The following TTC39A variants were observed in gnomAD, a reference collection of about 807,000 sequenced individuals.
TTC39A encodes tetratricopeptide repeat domain 39A.
TTC39A carries 46 observed loss-of-function variants against 82.3 expected under a neutral mutation model. That is an observed-to-expected ratio of 0.56 (90% CI 0.44 to 0.71). The LOEUF is 0.71. TTC39A is among the 30% of genes least tolerant of loss of function. The probability of loss-of-function intolerance (pLI) is 0.00; values close to 1 mark genes in which losing one functional copy is unlikely to be tolerated. For missense variants in TTC39A, 543 were observed against 712.9 expected (o/e 0.76, Z 2.71); for synonymous variants, 254 against 275.2 (o/e 0.92, Z 0.76).
chr1:51,293,959 T>C (rs1336101817), intron 14 of TTC39A, among the ~76,000 whole-genome samples: 1 of 152,270 alleles, frequency 6.6e-6, no homozygotes, highest in Non-Finnish European at 1.5e-5. Context: ...GCCTTGAATA[T>C]AGCAAGTGCT....
rs762316572 is a variant in TTC39A at position 51,296,080 on chromosome 1, G to A, written c.1144C>T (p.Arg382Ter). 1.3e-6 allele frequency: 2 copies of A among 1,580,866 alleles called. No homozygotes were observed. Among genetic ancestry groups the A allele is most frequent in the Admixed American group, 1.8e-5 (1 of 55,050 alleles). Residue 382 changes from arginine to a stop codon, truncating the protein, a stop_gained and splice_region_variant, in exon 13 of 18, where the codon CGA becomes TGA. Transcript: ENST00000680483. LOFTEE classifies it high-confidence loss of function. The part of the protein sequence containing the change: ...PFGDDEVELF[R>*]AVPGLKLKIA... ...GTGGGAGCACGATGTGGGACCCACC[G>A]AAATAATTCCACTTCGTCGTCCCCG...
upstream of TTC39A, chr1:51,331,040 A>G (rs1645898803): frequency 1.2e-6 from 1 of 815,158 alleles, no homozygotes; most frequent in Non-Finnish European, 2.1e-6. Context: ...ACGGTTTAGC[A>G]CTCACTGCTA....
At position 51,296,064 on chromosome 1, in the gene TTC39A, C is replaced by A. The variant is rs568089786; in HGVS notation, c.1145+15G>T. The stretch of plus-strand genomic sequence containing the variant: ...GGGAGTGGCCTACACAGTGGGAGCA[C>A]GATGTGGGACCCACCGAAATAATTC... On this transcript the variant is annotated intron_variant, in intron 13 of 17. Transcript: ENST00000680483. The A allele has an allele frequency of 1.7e-4, 264 of 1,564,824 alleles. No homozygotes were observed. In the East Asian group the frequency reaches 6.0e-3, roughly 35 times the overall value.
intron 1 of TTC39A, among the ~76,000 whole-genome samples, chr1:51,338,241 T>C (rs1645997592): frequency 6.6e-6 from 1 of 152,128 alleles, no homozygotes; most frequent in Non-Finnish European, 1.5e-5. Context: ...GGGAATAGGA[T>C]ATTTGACTCT....
At chr1:51,311,194 T>C (rs1266576783) in intron 5 of TTC39A, 60 bp downstream of exon 5, 6 of 1,501,774 alleles carry the variant, frequency 4.0e-6, no homozygotes, top group Non-Finnish European at 5.4e-6. Context: ...TGGGTCATGG[T>C]TGGACGTGGA....
chr1:51,342,373 C>CTGTT (rs1164531195), intron 1 of TTC39A, among the ~76,000 whole-genome samples: 1 of 152,164 alleles, frequency 6.6e-6, no homozygotes, highest in Non-Finnish European at 1.5e-5. Flanking sequence ...GCCCCAGTGA[C>CTGTT]TGTTAGGTCC....
chr1:51,290,939 T>C (rs917233364), intron 14 of TTC39A, among the ~76,000 whole-genome samples: 4 of 152,362 alleles, frequency 2.6e-5, no homozygotes, highest in Middle Eastern at 3.4e-3. Flanking sequence ...AGTGCTATTA[T>C]GTCCTTTCTC....
Position 51,287,340 on chromosome 1 carries a change from A to G in TTC39A, c.*817T>C, listed in dbSNP as rs1644030595. On this transcript the variant is annotated 3_prime_UTR_variant, in exon 18 of 18. Transcript: ENST00000680483. ...AGTACAGAAGATTTTTATGTTTCAT[A>G]AATTATTCCCAGTGGTTTCAGTTTG... The G allele has an allele frequency of 6.6e-6, 1 of 152,222 alleles. No homozygotes were observed. The highest frequency in any genetic ancestry group is 2.4e-5 in the African/African-American group (1 of 41,456). The allele number at this position is 152,222 out of a possible 1,614,324, so 9.4% of individuals were successfully genotyped here.
intron 1 of TTC39A, among the ~76,000 whole-genome samples, chr1:51,338,066 G>A (rs535326323): frequency 1.4e-5 from 2 of 142,734 alleles, no homozygotes. Context: ...TCAATAAAAA[G>A]CCTTGCTGCC....
intron 14 of TTC39A, among the ~76,000 whole-genome samples, chr1:51,293,072 T>C (rs1194752187): frequency 1.3e-5 from 2 of 151,632 alleles, no homozygotes; most frequent in Non-Finnish European, 2.9e-5. Flanking sequence ...CTGTATTTTT[T>C]TTTTTTTTTT....
intron 1 of TTC39A, among the ~76,000 whole-genome samples, chr1:51,337,796 G>A (rs1645993005): frequency 6.6e-6 from 1 of 152,056 alleles, no homozygotes; most frequent in South Asian, 2.1e-4. Flanking sequence ...TTTTTCCACA[G>A]CGCTTGTTGT....
intron 1 of TTC39A, chr1:51,322,259 CCTGGACT>C: frequency 1.4e-6 from 2 of 1,470,702 alleles, no homozygotes; most frequent in Non-Finnish European, 1.8e-6. Flanking sequence ...CTCCCCCAGG[CCTGGACT>C]CTAGAATCCC....
chr1:51,301,780 ACCCCTCTG>A lies in TTC39A; in HGVS notation c.892-55_892-48del, dbSNP rs745323878. The A allele has an allele frequency of 1.3e-4, 208 of 1,580,460 alleles. 1 individual carries two copies. Among genetic ancestry groups the A allele is most frequent in the Middle Eastern group, 1.9e-4 (1 of 5,312 alleles). On this transcript the variant is annotated intron_variant, in intron 11 of 17. Transcript: ENST00000680483. ...CCTGACGGGTGCCCACCCAGCCCCA[ACCCCTCTG>A]CATCCTCCGAACCTCCCAACACCAC...
chr1:51,306,099 G>A, intron 6 of TTC39A, 23 bp from the exon 7 acceptor site: 1 of 1,535,452 alleles, frequency 6.5e-7, no homozygotes, highest in South Asian at 1.1e-5. Flanking sequence ...GCCAAGTCCT[G>A]TTTCAGCCAC....
intron 6 of TTC39A, among the ~76,000 whole-genome samples, 175 bp from the exon 7 acceptor site, chr1:51,306,251 C>T (rs1395709726): frequency 6.6e-6 from 1 of 152,128 alleles, no homozygotes; most frequent in African/African-American, 2.4e-5. Context: ...CATGATAACA[C>T]ACTCCTCACC....
At position 51,294,596 on chromosome 1, in the gene TTC39A, C is replaced by A; in HGVS notation, c.1146-85G>T. On this transcript the variant is annotated intron_variant, in intron 13 of 17. Transcript: ENST00000680483. This position sits in a 1 kb window ranked among gnomAD's most constrained non-coding sequence, Gnocchi z 4.3. ...CCCCAGCCTACCCAGCTATGCTTGG[C>A]GCCTCTCTGGGCCTCAGTTTCCCCA... The A allele has an allele frequency of 6.3e-7, 1 of 1,575,562 alleles. No homozygotes were observed. Among genetic ancestry groups the A allele is most frequent in the Non-Finnish European group, 8.6e-7 (1 of 1,159,758 alleles).
At position 51,288,756 on chromosome 1, in the gene TTC39A, T is replaced by G; in HGVS notation, c.1610+83A>C. The G allele has an allele frequency of 7.4e-7, 1 of 1,342,962 alleles. No individual in the cohort carries two copies. The highest frequency in any genetic ancestry group is 2.5e-4 in the Middle Eastern group (1 of 4,042). 83.2% of individuals were successfully genotyped at this position (1,342,962 alleles called of 1,614,324 possible). On this transcript the variant is annotated intron_variant, in intron 17 of 17. Coordinates refer to ENST00000680483, the MANE Select transcript of TTC39A (RefSeq NM_001297663.2). The surrounding 1 kb of genome is among the most constrained non-coding windows in gnomAD (Gnocchi z 4.8). ...CCTTGCTAGCAACTCCACTCACTGC[T>G]CTCTGGGCAACTCTGTCCCCAGCCA...
chr1:51,295,522 G>A (rs1479599788), intron 13 of TTC39A: 1 of 157,110 alleles, frequency 6.4e-6, no homozygotes, highest in African/African-American at 2.4e-5. Context: ...TTAGTGGGCA[G>A]CTTCTAGGCT....
In TTC39A at chr1:51,288,080, G is replaced by A; in HGVS notation, c.*77C>T. On this transcript the variant is annotated 3_prime_UTR_variant, in exon 18 of 18. Transcript: ENST00000680483. The surrounding 1 kb of genome is among the most constrained non-coding windows in gnomAD (Gnocchi z 4.8). ...ACCCCAAAGGCAGGGCAGGGCAGGG[G>A]GAGGGGGTATTTTGAAATGTTTTCA... 6.3e-7 allele frequency: 1 copy of A among 1,576,504 alleles called. No homozygotes were observed. The highest frequency in any genetic ancestry group is 8.6e-7 in the Non-Finnish European group (1 of 1,158,934).
Sources: gnomAD v4.1 joint callset for allele counts (sites outside exome capture counted in the v4.1 genomes callset) on GRCh38, gnomAD v4.1.1 for gene constraint, Gnocchi (gnomAD v3.1) non-coding constraint, MANE v1.5 for transcripts, NCBI Gene and HGNC (gene_info 2026-07-23, HGNC 2026-07-21) for gene names.